SPTB: variants seen among roughly 807,000 people sequenced by gnomAD.
The protein encoded by SPTB is spectrin beta, erythrocytic.
In SPTB, 45 loss-of-function variants were observed where a neutral mutation model predicts 256.2. The observed-to-expected ratio is 0.18, with a 90% CI of 0.14 to 0.23. The LOEUF is 0.23. SPTB is among the 10% of genes least tolerant of loss of function. SPTB has a pLI of 1.00. For synonymous variants in SPTB, 1,231 were observed against 1,243.1 expected (o/e 0.99, Z 0.21); for missense variants, 2,715 against 3,040.4 (o/e 0.89, Z 2.52).
At chr14:64,834,484 G>T (rs2083491619) in intron 1 of SPTB, among the ~76,000 whole-genome samples, 1 of 151,394 alleles carries the variant, frequency 6.6e-6, no homozygotes, top group African/African-American at 2.4e-5. Context: ...GGAGTGCAGT[G>T]GCATGATCTC....
chr14:64,772,468 CA>C lies in SPTB; in HGVS notation c.5553+111del. ...CTGAGCTCCTGGCTGTCTAAGGAGG[CA>C]AAACCTCCTGGCACTTATCCTAGAG... On this transcript the variant is annotated intron_variant, in intron 26 of 35. Transcript: ENST00000644917. The surrounding 1 kb of genome is among the most constrained non-coding windows in gnomAD (Gnocchi z 5.4). 6.9e-7 allele frequency: 1 copy of C among 1,455,418 alleles called. No individual in the cohort carries two copies. The highest frequency in any genetic ancestry group is 9.2e-7 in the Non-Finnish European group (1 of 1,085,928). The allele number at this position is 1,455,418 out of a possible 1,614,324, so 90.2% of individuals were successfully genotyped here.
At chr14:64,872,350 G>A (rs989564771) in intron 1 of SPTB, among the ~76,000 whole-genome samples, 3 of 151,934 alleles carry the variant, frequency 2.0e-5, no homozygotes, top group Non-Finnish European at 4.4e-5. Context: ...CCATCCTCTC[G>A]TCCTGAACCA....
chr14:64,771,595 C>G (rs1048653743), intron 26 of SPTB, among the ~76,000 whole-genome samples: 5 of 152,132 alleles, frequency 3.3e-5, no homozygotes, highest in Non-Finnish European at 5.9e-5. Context: ...GCACCGTGCT[C>G]CTGAGTCCCC....
In SPTB at chr14:64,794,590, T is replaced by C; in HGVS notation, c.1672A>G (p.Lys558Glu). 6.2e-7 allele frequency: 1 copy of C among 1,614,148 alleles called. No homozygotes were observed. The highest frequency in any genetic ancestry group is 8.5e-7 in the Non-Finnish European group (1 of 1,180,038). The change falls in exon 13 of 36, where the codon AAG (lysine) becomes GAG (glutamate). Residue 558 changes from lysine to glutamate, a missense_variant. Physicochemically the swap from Lys to Glu is moderately conservative, Grantham distance 56 (BLOSUM62 1). Around this residue, in one of 4 missense-constraint regions of SPTB, gnomAD observed 2,239 missense variants for 2,384.4 expected, o/e 0.94. Transcript: ENST00000644917. The part of the protein sequence containing the change: ...KAHLLSAEFG[K>E]HLLEVEDLLQ... Reference sequence around the variant, plus strand: ...AGGTCTTCAACCTCCAACAAGTGCTTCCCAAACTCGGCAGACAAGAGGTGA... The same window carrying C: ...AGGTCTTCAACCTCCAACAAGTGCTCCCCAAACTCGGCAGACAAGAGGTGA...
chr14:64,799,682 T>C, intron 9 of SPTB, 65 bp downstream of exon 9: 1 of 1,593,200 alleles, frequency 6.3e-7, no homozygotes, highest in Non-Finnish European at 8.6e-7. Context: ...AGAACCTGGC[T>C]CTACCTTTTG....
chr14:64,858,940 C>T (rs1025098864), intron 1 of SPTB, among the ~76,000 whole-genome samples: 2 of 152,184 alleles, frequency 1.3e-5, no homozygotes, highest in Admixed American at 6.5e-5. Flanking sequence ...AAAACAGAAA[C>T]AACCTAATCA....
intron 32 of SPTB, among the ~76,000 whole-genome samples, chr14:64,766,164 G>A (rs954351461): frequency 9.3e-5 from 14 of 150,020 alleles, no homozygotes; most frequent in African/African-American, 3.2e-4. Flanking sequence ...GTGTTTGTGT[G>A]TATGTGTATG....
Position 64,852,837 on chromosome 14 carries a change from A to G in SPTB, c.-52+26955T>C, listed in dbSNP as rs1197224785. Among the ~76,000 whole-genome samples the G allele has an allele frequency of 6.6e-6, 1 of 152,198 alleles. No homozygotes were observed. The highest frequency in any genetic ancestry group is 6.5e-5 in the Admixed American group (1 of 15,282). On this transcript the variant is annotated intron_variant, in intron 1 of 35. Transcript: ENST00000644917. This position sits in a 1 kb window ranked among gnomAD's most constrained non-coding sequence, Gnocchi z 4.2. ...TAATGTTAGGTGTTGGGATGCAATAATGAAGCAAAATAGACAGGCTTTCTG... is the reference window on the plus strand; with the variant it reads ...TAATGTTAGGTGTTGGGATGCAATAGTGAAGCAAAATAGACAGGCTTTCTG...
At position 64,770,973 on chromosome 14, in the gene SPTB, C is replaced by T; in HGVS notation, c.5710G>A (p.Asp1904Asn). The change falls in exon 27 of 36, where the codon GAT (aspartate) becomes AAT (asparagine). Residue 1904 changes from aspartate (D) to asparagine (N), a missense_variant. By Grantham distance (23) the Asp-to-Asn change is conservative (BLOSUM62 1). Around this residue, in one of 4 missense-constraint regions of SPTB, gnomAD observed 2,239 missense variants for 2,384.4 expected, o/e 0.94. Transcript: ENST00000644917. ...GCCATGCTGAAGAAGCGGAATTTAT[C>T]CGCCGTGTCCACTAGCTGGGTCCGG... Reference protein sequence around the residue: ...GRRTQLVDTADKFRFFSMARD... With the variant: ...GRRTQLVDTANKFRFFSMARD... 1.2e-6 allele frequency: 2 copies of T among 1,614,142 alleles called. No homozygotes were observed. The highest frequency in any genetic ancestry group is 1.7e-6 in the Non-Finnish European group (2 of 1,180,040).
At chr14:64,846,909 G>A (rs751681357) in intron 1 of SPTB, among the ~76,000 whole-genome samples, 3 of 152,192 alleles carry the variant, frequency 2.0e-5, no homozygotes, top group East Asian at 3.9e-4. Context: ...CTCCTTCCAC[G>A]GCCTCAGAGC....
intron 1 of SPTB, among the ~76,000 whole-genome samples, chr14:64,833,260 T>C (rs2083475176): frequency 6.6e-6 from 1 of 152,102 alleles, no homozygotes; most frequent in Non-Finnish European, 1.5e-5. Flanking sequence ...TCAAGAAACC[T>C]CCCACCTCTG....
intron 1 of SPTB, among the ~76,000 whole-genome samples, chr14:64,835,829 C>T (rs2083514966): frequency 6.6e-6 from 1 of 152,196 alleles, no homozygotes; most frequent in South Asian, 2.1e-4. Flanking sequence ...ATTGTTATTA[C>T]TGCCATTATT....
At chr14:64,822,401 CAG>C (rs377064684) in intron 2 of SPTB, among the ~76,000 whole-genome samples, 7 of 136,600 alleles carry the variant, frequency 5.1e-5, no homozygotes, top group African/African-American at 8.6e-5. Flanking sequence ...CACACACACA[CAG>C]AGAGATCTAT....
In SPTB at chr14:64,831,429, C is replaced by T. The variant is rs188725687; in HGVS notation, c.-51-8284G>A. Among the ~76,000 whole-genome samples the T allele has an allele frequency of 1.1e-3, 166 of 152,258 alleles. 1 individual carries two copies. Among genetic ancestry groups the T allele is most frequent in the Non-Finnish European group, 1.9e-3 (126 of 68,030 alleles). On this transcript the variant is annotated intron_variant, in intron 1 of 35. Coordinates refer to ENST00000644917, the MANE Select transcript of SPTB (RefSeq NM_001355436.2). ...AACGGGTAATTCATAGTAGTGAAAACCTAAAAAGCTAAAACCCTAAGAAGA... is the reference window on the plus strand; with the variant it reads ...AACGGGTAATTCATAGTAGTGAAAATCTAAAAAGCTAAAACCCTAAGAAGA...
chr14:64,807,186 A>AG lies in SPTB; in HGVS notation c.149-2097dup, dbSNP rs1314070384. On this transcript the variant is annotated intron_variant, in intron 2 of 35. Coordinates refer to ENST00000644917, the MANE Select transcript of SPTB (RefSeq NM_001355436.2). This position sits in a 1 kb window ranked among gnomAD's most constrained non-coding sequence, Gnocchi z 4.7. ...AGGTCAGGTGTGGAGCCTCTGACTA[A>AG]GGGGGGTGAAAGTTTTAGCCCCTTT... is the stretch of plus-strand genomic sequence containing the variant. Among the ~76,000 whole-genome samples, 1 of 152,184 alleles carries AG rather than the reference A, an allele frequency of 6.6e-6. No individual in the cohort carries two copies. Among genetic ancestry groups the AG allele is most frequent in the South Asian group, 2.1e-4 (1 of 4,826 alleles).
At chr14:64,865,355 G>A (rs766441745) in intron 1 of SPTB, among the ~76,000 whole-genome samples, 3 of 151,680 alleles carry the variant, frequency 2.0e-5, no homozygotes, top group Non-Finnish European at 2.9e-5. Flanking sequence ...GGCACTCTAC[G>A]CTGGTAGAAG....
At chr14:64,791,671 A>G (rs752722108) in intron 15 of SPTB, 48 bp downstream of exon 15, 4 of 1,609,972 alleles carry the variant, frequency 2.5e-6, no homozygotes, top group South Asian at 2.2e-5. Context: ...GCAGTGTGTC[A>G]GATGTTGAGA....
chr14:64,755,863 A>T (rs1196305832), intron 32 of SPTB: 1 of 152,218 alleles, frequency 6.6e-6, no homozygotes, highest in Non-Finnish European at 1.5e-5. Context: ...TTCCTACGAG[A>T]TATGCACGTG....
chr14:64,754,810 TG>T (rs2081999064), intron 32 of SPTB: 1 of 152,306 alleles, frequency 6.6e-6, no homozygotes, highest in Non-Finnish European at 1.5e-5. Flanking sequence ...CTTGCTGATC[TG>T]CCCTTTTGCC....
Sources: allele counts gnomAD v4.1 joint callset (sites outside exome capture counted in the v4.1 genomes callset), GRCh38; gene constraint gnomAD v4.1.1; regional missense constraint gnomAD v4.1.1; non-coding constraint Gnocchi (gnomAD v3.1); transcripts MANE v1.5; gene names NCBI Gene and HGNC (gene_info 2026-07-23, HGNC 2026-07-21).